The following SULT1C4 variants were observed in gnomAD, a reference collection of about 807,000 sequenced individuals.
The protein encoded by SULT1C4 is sulfotransferase 1C4.
In SULT1C4, 32 loss-of-function variants were observed where a neutral mutation model predicts 34.8. The ratio of observed to expected loss-of-function variants is 0.92; its 90% CI spans 0.69 to 1.23. The LOEUF (loss-of-function observed/expected upper bound fraction) is 1.23, where lower values mean the gene tolerates loss of function less well. Among genes scored for constraint, SULT1C4 ranks in the 50% most tolerant of loss-of-function variants. The pLI is 0.00. For synonymous variants in SULT1C4, 111 were observed against 120.5 expected (o/e 0.92, Z 0.51); for missense variants, 375 against 365.9 (o/e 1.02, Z -0.20).
Position 108,388,606 on chromosome 2 carries a change from A to G in SULT1C4, c.*1174A>G, listed in dbSNP as rs1678630776. On this transcript the variant is annotated 3_prime_UTR_variant, in exon 7 of 7. Coordinates refer to ENST00000272452, the MANE Select transcript of SULT1C4 (RefSeq NM_006588.4). Reference sequence around the variant, plus strand: ...TTGTTCCTTAGCTCAAAATCCTTCAATGGCTGAACTTTCACTGCCTGAAAG... The same window carrying G: ...TTGTTCCTTAGCTCAAAATCCTTCAGTGGCTGAACTTTCACTGCCTGAAAG... 6.6e-6 allele frequency among the ~76,000 whole-genome samples: 1 copy of G among 152,158 alleles called. No homozygotes were observed. The highest frequency in any genetic ancestry group is 1.5e-5 in the Non-Finnish European group (1 of 68,028).
chr2:108,378,419 C>T lies in SULT1C4; in HGVS notation c.82C>T (p.Pro28Ser). Residue 28 changes from proline (P) to serine (S), a missense_variant, in exon 1 of 7, where the codon CCG (proline) becomes TCG (serine). By Grantham distance (74) the Pro-to-Ser change is moderately conservative. Coordinates refer to ENST00000272452, the MANE Select transcript of SULT1C4 (RefSeq NM_006588.4). ...SVNYVKGILQ[P>S]TDTCDIWDKI... ...CAACTACGTGAAGGGAATTCTTCAA[C>T]CGACAGACACCTGTGACATCTGGGA... 1 of 1,614,170 alleles carries T rather than the reference C, an allele frequency of 6.2e-7. No individual in the cohort carries two copies. The highest frequency in any genetic ancestry group is 8.5e-7 in the Non-Finnish European group (1 of 1,180,018).
chr2:108,387,271 C>A, intron 6 of SULT1C4, 49 bp from the exon 7 acceptor site: 1 of 1,393,590 alleles, frequency 7.2e-7, no homozygotes, highest in Admixed American at 1.8e-5. Flanking sequence ...TAGGGAAGCA[C>A]AGACTCTTCC....
In SULT1C4 at chr2:108,386,293, G is replaced by A; in HGVS notation, c.717G>A (p.Met239Ile). ...TCCATTACACTTCGTTTGATGTCAT[G>A]AAACAGAATCCAATGGCAAACTATT... The part of the protein sequence containing the change: ...KIVHYTSFDV[M>I]KQNPMANYSS... Residue 239 changes from methionine to isoleucine, a missense_variant, in exon 6 of 7, where the codon ATG becomes ATA. Coordinates refer to ENST00000272452, the MANE Select transcript of SULT1C4 (RefSeq NM_006588.4). 2 of 1,586,464 alleles carry A rather than the reference G, an allele frequency of 1.3e-6. No individual in the cohort carries two copies. Among genetic ancestry groups the A allele is most frequent in the South Asian group, 1.2e-5 (1 of 85,318 alleles).
Position 108,387,388 on chromosome 2 carries a change from A to T in SULT1C4, c.865A>T (p.Lys289Ter). 7 of 1,613,866 alleles carry T rather than the reference A, an allele frequency of 4.3e-6. No individual in the cohort carries two copies. Among genetic ancestry groups the T allele is most frequent in the Non-Finnish European group, 8.5e-7 (1 of 1,179,880 alleles). Residue 289 changes from lysine to a stop codon, truncating the protein, a stop_gained, in exon 7 of 7, where the codon AAG (lysine) becomes TAG (stop). Transcript: ENST00000272452. LOFTEE classifies it low-confidence loss of function (END_TRUNC). The part of the protein sequence containing the change: ...QNERFDEDYK[K>*]KMTDTRLTFH... ...TGAGAGATTTGATGAAGATTACAAGAAGAAAATGACTGATACCAGACTAAC... is the reference window on the plus strand; with the variant it reads ...TGAGAGATTTGATGAAGATTACAAGTAGAAAATGACTGATACCAGACTAAC...
At position 108,387,370 on chromosome 2, in the gene SULT1C4, T is replaced by G; in HGVS notation, c.847T>G (p.Phe283Val). Reference sequence around the variant, plus strand: ...CTTCACCGTGGCTCAGAATGAGAGATTTGATGAAGATTACAAGAAGAAAAT... The same window carrying G: ...CTTCACCGTGGCTCAGAATGAGAGAGTTGATGAAGATTACAAGAAGAAAAT... Reference protein sequence around the residue: ...KHFTVAQNERFDEDYKKKMTD... With the variant: ...KHFTVAQNERVDEDYKKKMTD... The change falls in exon 7 of 7, where the codon TTT becomes GTT. Residue 283 changes from phenylalanine (F) to valine (V), a missense_variant. By Grantham distance (50) the Phe-to-Val change is conservative (BLOSUM62 -1). Transcript: ENST00000272452. 6.2e-7 allele frequency: 1 copy of G among 1,613,706 alleles called. No homozygotes were observed. Among genetic ancestry groups the G allele is most frequent in the Non-Finnish European group, 8.5e-7 (1 of 1,179,854 alleles).
chr2:108,384,868 G>A (rs1007650454), intron 5 of SULT1C4, among the ~76,000 whole-genome samples: 4 of 152,136 alleles, frequency 2.6e-5, no homozygotes, highest in African/African-American at 7.2e-5. Flanking sequence ...CAGACTAGTT[G>A]CATGAGCTAC....
chr2:108,378,388 A>C lies in SULT1C4; in HGVS notation c.51A>C (p.Leu17Phe). Residue 17 changes from leucine to phenylalanine, a missense_variant, in exon 1 of 7, where the codon TTA becomes TTC. Physicochemically the swap from Leu to Phe is conservative, Grantham distance 22. Coordinates refer to ENST00000272452, the MANE Select transcript of SULT1C4 (RefSeq NM_006588.4). ...EDFTFDGTKR[L>F]SVNYVKGILQ... ...TTACATTTGATGGAACAAAGCGCTTAAGTGTCAACTACGTGAAGGGAATTC... is the reference window on the plus strand; with the variant it reads ...TTACATTTGATGGAACAAAGCGCTTCAGTGTCAACTACGTGAAGGGAATTC... 6.2e-7 allele frequency: 1 copy of C among 1,614,232 alleles called. No homozygotes were observed. Among genetic ancestry groups the C allele is most frequent in the Non-Finnish European group, 8.5e-7 (1 of 1,180,034 alleles).
Position 108,381,945 on chromosome 2 carries a change from G to A in SULT1C4, c.295+58G>A, listed in dbSNP as rs534010041. 4.5e-5 allele frequency: 63 copies of A among 1,405,088 alleles called. No homozygotes were observed. In the African/African-American group the frequency reaches 6.5e-4, roughly 15 times the overall value. 87.0% of individuals were successfully genotyped at this position (1,405,088 alleles called of 1,614,324 possible). A position where few individuals can be genotyped will look rare whatever the true frequency, so the allele number is the denominator to read the frequency against. ...CTAAAATGCACTTAGGATTTTTACT[G>A]TCTTTGCACCTTTCGAAATTATAGG... On this transcript the variant is annotated intron_variant, in intron 2 of 6. Transcript: ENST00000272452.
At chr2:108,384,618 G>A (rs1201358476) in intron 5 of SULT1C4, among the ~76,000 whole-genome samples, 1 of 152,200 alleles carries the variant, frequency 6.6e-6, no homozygotes, top group Non-Finnish European at 1.5e-5. Flanking sequence ...TCAATTCTTG[G>A]TAAAGACACT....
chr2:108,383,299 C>A, intron 4 of SULT1C4, 80 bp downstream of exon 4: 1 of 1,588,626 alleles, frequency 6.3e-7, no homozygotes, highest in Non-Finnish European at 8.6e-7. Flanking sequence ...TTCTTTTGAC[C>A]AGCAGGGGCT....
Position 108,378,166 on chromosome 2 carries a change from C to T in SULT1C4, c.-172C>T, listed in dbSNP as rs1678292149. ...AGTTCCAGTTCCCTGGAACCTGAGTCGGGAGGCCTGCAACTCACTTTCTCC... is the reference window on the plus strand; with the variant it reads ...AGTTCCAGTTCCCTGGAACCTGAGTTGGGAGGCCTGCAACTCACTTTCTCC... On this transcript the variant is annotated 5_prime_UTR_variant, in exon 1 of 7. Coordinates refer to ENST00000272452, the MANE Select transcript of SULT1C4 (RefSeq NM_006588.4). 7.4e-6 allele frequency: 4 copies of T among 537,824 alleles called. No homozygotes were observed. The highest frequency in any genetic ancestry group is 3.3e-5 in the Admixed American group (1 of 30,580). 33.3% of individuals were successfully genotyped at this position (537,824 alleles called of 1,614,324 possible).
Position 108,388,123 on chromosome 2 carries a change from C to T in SULT1C4, c.*691C>T, listed in dbSNP as rs1166226373. ...GCCGGTTCAAGTTAATTTTTAAATG[C>T]ATCACTAACGTGTAAATAGTGACTG... On this transcript the variant is annotated 3_prime_UTR_variant, in exon 7 of 7. Transcript: ENST00000272452. The T allele has an allele frequency of 6.6e-6, 1 of 152,184 alleles. No homozygotes were observed. Among genetic ancestry groups the T allele is most frequent in the Non-Finnish European group, 1.5e-5 (1 of 68,042 alleles). The allele number at this position is 152,184 out of a possible 1,614,324, so 9.4% of individuals were successfully genotyped here. A position where few individuals can be genotyped will look rare whatever the true frequency, so the allele number is the denominator to read the frequency against.
intron 5 of SULT1C4, 41 bp downstream of exon 5, chr2:108,383,551 A>G (rs1208761467): frequency 6.4e-7 from 1 of 1,573,826 alleles, no homozygotes. Context: ...CTGGACCATA[A>G]AACATTTAAG....
chr2:108,379,806 A>G (rs537368758), intron 1 of SULT1C4, among the ~76,000 whole-genome samples: 1 of 152,354 alleles, frequency 6.6e-6, no homozygotes, highest in East Asian at 1.9e-4. Flanking sequence ...AAAAAAATAC[A>G]TCATAGAATC....
chr2:108,386,316 A>G lies in SULT1C4; in HGVS notation c.740A>G (p.Tyr247Cys). 6.3e-7 allele frequency: 1 copy of G among 1,578,296 alleles called. No individual in the cohort carries two copies. Among genetic ancestry groups the G allele is most frequent in the Non-Finnish European group, 8.6e-7 (1 of 1,161,490 alleles). The change falls in exon 6 of 7, where the codon TAT becomes TGT. Residue 247 changes from tyrosine (Y) to cysteine (C), a missense_variant. By Grantham distance (194) the Tyr-to-Cys change is radical. Transcript: ENST00000272452. ...DVMKQNPMAN[Y>C]SSIPAEIMDH... is the part of the protein sequence containing the mutation. ...ATGAAACAGAATCCAATGGCAAACT[A>G]TTCATCGATTCCTGCTGAAATCATG...
In SULT1C4 at chr2:108,387,351, C is replaced by T. The variant is rs2104350175; in HGVS notation, c.828C>T (p.Thr276=). ...TGGGAGACTGGAAGAAACACTTCAC[C>T]GTGGCTCAGAATGAGAGATTTGATG... is the stretch of plus-strand genomic sequence containing the variant. ...GAVGDWKKHF[T]VAQNERFDED... The change falls in exon 7 of 7, where the codon ACC becomes ACT. Residue 276 remains threonine, a synonymous_variant. Coordinates refer to ENST00000272452, the MANE Select transcript of SULT1C4 (RefSeq NM_006588.4). 4.3e-6 allele frequency: 7 copies of T among 1,613,514 alleles called. No homozygotes were observed. The highest frequency in any genetic ancestry group is 1.1e-5 in the South Asian group (1 of 90,958).
At chr2:108,381,249 A>G (rs557428260) in intron 1 of SULT1C4, among the ~76,000 whole-genome samples, 87 of 152,322 alleles carry the variant, frequency 5.7e-4, no homozygotes, top group Non-Finnish European at 1.1e-3. Context: ...ATGTCCATTC[A>G]AAATTGGAGT....
intron 6 of SULT1C4, among the ~76,000 whole-genome samples, chr2:108,387,046 C>T (rs1219533152): frequency 6.6e-6 from 1 of 152,168 alleles, no homozygotes; most frequent in East Asian, 1.9e-4. Flanking sequence ...CAGGGAAAGA[C>T]AAGAAAGCCC....
At chr2:108,387,215 C>G in intron 6 of SULT1C4, 105 bp from the exon 7 acceptor site, 2 of 828,130 alleles carry the variant, frequency 2.4e-6, no homozygotes. Context: ...CCAATACTGC[C>G]CTTCCTAGAA....
Sources: gnomAD v4.1 joint callset for allele counts (sites outside exome capture counted in the v4.1 genomes callset) on GRCh38, gnomAD v4.1.1 for gene constraint, MANE v1.5 for transcripts, NCBI Gene and HGNC (gene_info 2026-07-23, HGNC 2026-07-21) for gene names.